SMAD6: variants seen among roughly 807,000 people sequenced by gnomAD.
SMAD6 encodes the protein MAD homolog 6.
A neutral mutation model predicts 39.4 loss-of-function variants in SMAD6; 103 were observed. That is an observed-to-expected ratio of 2.62 (90% CI 2.23 to 3.08). The LOEUF (loss-of-function observed/expected upper bound fraction) is 3.08. Among genes scored for constraint, SMAD6 ranks in the 30% most tolerant of loss-of-function variants. The pLI, the probability that SMAD6 is intolerant of heterozygous loss-of-function variation, is 0.00. For synonymous variants in SMAD6, 445 were observed against 353.3 expected, an observed-to-expected ratio of 1.26 and a Z score of -2.91; for missense variants, 1,104 against 742.9, an observed-to-expected ratio of 1.49 and a Z score of -5.65.
At position 66,731,914 on chromosome 15, in the gene SMAD6, T is replaced by C. The variant is rs79011714; in HGVS notation, c.952+15416T>C. Among the ~76,000 whole-genome samples, 936 of 151,708 alleles carry C rather than the reference T, an allele frequency of 6.2e-3. 7 individuals carry two copies. Among genetic ancestry groups the C allele is most frequent in the African/African-American group, 0.02 (813 of 41,390 alleles). ...CAGTTTGTTTTTATTTGAGTTATTC[T>C]AATCATAAGCGGTAGTATCTCATTG... On this transcript the variant is annotated intron_variant, in intron 3 of 3. Coordinates refer to ENST00000288840, the MANE Select transcript of SMAD6 (RefSeq NM_005585.5).
At chr15:66,742,829 G>C (rs1023552839) in intron 3 of SMAD6, among the ~76,000 whole-genome samples, 1 of 152,052 alleles carries the variant, frequency 6.6e-6, no homozygotes, top group Non-Finnish European at 1.5e-5. Flanking sequence ...TGCCCGCTGC[G>C]CTCCCTGGCC....
chr15:66,703,030 G>T lies in SMAD6; in HGVS notation c.-229G>T, dbSNP rs538975864. 303 of 385,588 alleles carry T rather than the reference G, an allele frequency of 7.9e-4. 1 individual carries two copies. Among genetic ancestry groups the T allele is most frequent in the Non-Finnish European group, 1.2e-3 (255 of 209,758 alleles). The allele number at this position is 385,588 out of a possible 1,614,324, so 23.9% of individuals were successfully genotyped here. A position where few individuals can be genotyped will look rare whatever the true frequency, so the allele number is the denominator to read the frequency against. On this transcript the variant is annotated 5_prime_UTR_variant, in exon 1 of 4. Transcript: ENST00000288840. ...TCCATGTAGCCGCTGGCCGCGCGCG[G>T]ACTGCGGCTCGGCGTGCGCGTGTTC...
chr15:66,715,119 G>A (rs1893302997), intron 2 of SMAD6, among the ~76,000 whole-genome samples: 1 of 144,464 alleles, frequency 6.9e-6, no homozygotes, highest in Admixed American at 7.1e-5. Context: ...TTCATTCCCT[G>A]ATAAATAGTC....
intron 3 of SMAD6, chr15:66,741,298 C>CT (rs1054490321): frequency 1.5e-4 from 23 of 152,310 alleles, no homozygotes; most frequent in African/African-American, 4.8e-4. Context: ...GATTGGGCTA[C>CT]TATACCCCAT....
chr15:66,712,711 A>AAAG (rs1702880836), intron 2 of SMAD6, among the ~76,000 whole-genome samples: 1 of 150,780 alleles, frequency 6.6e-6, no homozygotes, highest in Non-Finnish European at 1.5e-5. Context: ...AAAAAAAAAA[A>AAAG]GAGTAGAGGT....
intron 3 of SMAD6, among the ~76,000 whole-genome samples, chr15:66,722,278 C>G (rs551501294): frequency 6.6e-6 from 1 of 152,294 alleles, no homozygotes; most frequent in Admixed American, 6.5e-5. Flanking sequence ...GCCTGTGGGT[C>G]TGGGGTGCTG....
chr15:66,716,331 C>T (rs925312127), intron 2 of SMAD6, 90 bp from the exon 3 acceptor site: 11 of 906,214 alleles, frequency 1.2e-5, no homozygotes, highest in East Asian at 4.8e-5. Context: ...CATCCACACA[C>T]GTGCACATGT....
At chr15:66,748,867 T>A (rs569130459) in intron 3 of SMAD6, among the ~76,000 whole-genome samples, 1 of 152,346 alleles carries the variant, frequency 6.6e-6, no homozygotes, top group African/African-American at 2.4e-5. Context: ...GGACTTGATA[T>A]GAGCTGTAGA....
rs76481745 is a variant in SMAD6 at position 66,715,134 on chromosome 15, G to A, written c.875-1287G>A. 3.4e-3 allele frequency among the ~76,000 whole-genome samples: 501 copies of A among 149,156 alleles called. 6 individuals carry two copies. Among genetic ancestry groups the A allele is most frequent in the East Asian group, 0.026 (134 of 5,106 alleles). On this transcript the variant is annotated intron_variant, in intron 2 of 3. Transcript: ENST00000288840. ...TTCATTCCCTGATAAATAGTCCCGC[G>A]TTATTTTTTGGTATTATTTTCTCTT...
intron 3 of SMAD6, among the ~76,000 whole-genome samples, chr15:66,749,538 G>A (rs1595786318): frequency 6.6e-6 from 1 of 152,108 alleles, no homozygotes; most frequent in South Asian, 2.1e-4. Context: ...GCAAAGTTGA[G>A]CCCGGAAGGT....
At chr15:66,767,872 T>C (rs1298056100) in intron 3 of SMAD6, among the ~76,000 whole-genome samples, 1 of 152,156 alleles carries the variant, frequency 6.6e-6, no homozygotes, top group Non-Finnish European at 1.5e-5. Context: ...AAAAGGCTAT[T>C]TTAAAGGAAA....
At chr15:66,716,319 C>T in intron 2 of SMAD6, 102 bp from the exon 3 acceptor site, 2 of 827,256 alleles carry the variant, frequency 2.4e-6, no homozygotes, top group Non-Finnish European at 2.1e-6. Context: ...TGCAAGCACA[C>T]ACATCCACAC....
chr15:66,728,285 C>T (rs1278922758), intron 3 of SMAD6, among the ~76,000 whole-genome samples: 4 of 152,238 alleles, frequency 2.6e-5, no homozygotes, highest in Non-Finnish European at 5.9e-5. Context: ...TGACTTCTAA[C>T]CCCATCGTGT....
chr15:66,710,906 T>TA, intron 1 of SMAD6, among the ~76,000 whole-genome samples: 1 of 152,220 alleles, frequency 6.6e-6, no homozygotes, highest in Non-Finnish European at 1.5e-5. Context: ...TGGAAGTGAC[T>TA]GGCTTAAGGC....
At chr15:66,722,674 T>G (rs1893454752) in intron 3 of SMAD6, among the ~76,000 whole-genome samples, 1 of 152,208 alleles carries the variant, frequency 6.6e-6, no homozygotes, top group African/African-American at 2.4e-5. Context: ...CTTTTTAGCT[T>G]TGACCAACCA....
chr15:66,708,855 T>G (rs1011411932), intron 1 of SMAD6: 1 of 434,508 alleles, frequency 2.3e-6, no homozygotes, highest in African/African-American at 2.0e-5. Context: ...TGGTTGATGG[T>G]TGCACAACAC....
intron 3 of SMAD6, among the ~76,000 whole-genome samples, chr15:66,756,282 G>A (rs953282906): frequency 8.0e-5 from 12 of 150,610 alleles, no homozygotes; most frequent in African/African-American, 1.7e-4. Flanking sequence ...TTTTCCTTTC[G>A]TTTGGAAACG....
intron 3 of SMAD6, among the ~76,000 whole-genome samples, chr15:66,743,190 T>G (rs553407362): frequency 7.4e-4 from 113 of 152,162 alleles, no homozygotes; most frequent in African/African-American, 2.6e-3. Flanking sequence ...TCCTGAGAGC[T>G]CCCTGCAGTT....
At chr15:66,780,068 A>G (rs994305449) in intron 3 of SMAD6, among the ~76,000 whole-genome samples, 3 of 152,226 alleles carry the variant, frequency 2.0e-5, no homozygotes, top group Non-Finnish European at 2.9e-5. Flanking sequence ...CCCCTTTGCT[A>G]TACAGTGGGG....
Sources: gnomAD v4.1 joint callset for allele counts (sites outside exome capture counted in the v4.1 genomes callset) on GRCh38, gnomAD v4.1.1 for gene constraint, MANE v1.5 for transcripts, NCBI Gene and HGNC (gene_info 2026-07-23, HGNC 2026-07-21) for gene names.